The following FRMD4A variants were observed in gnomAD, a reference collection of about 807,000 sequenced individuals.
FRMD4A encodes the protein FERM domain containing 4A, also known as FERM domain-containing protein 4A.
FRMD4A carries 29 observed loss-of-function variants against 129.1 expected under a neutral mutation model. The ratio of observed to expected loss-of-function variants is 0.22; its 90% CI spans 0.17 to 0.31. FRMD4A has a LOEUF of 0.31. Ranked by LOEUF, FRMD4A falls within the 10% of genes least tolerant of loss-of-function variation. The pLI is 1.00. For synonymous variants in FRMD4A, 634 were observed against 571.6 expected (o/e 1.11, Z -1.56); for missense variants, 1,272 against 1,375.8 (o/e 0.92, Z 1.19).
chr10:13,914,468 G>A (rs962314677), intron 2 of FRMD4A, among the ~76,000 whole-genome samples: 22 of 152,176 alleles, frequency 1.4e-4, no homozygotes, highest in African/African-American at 4.3e-4. Context: ...AATAACAGCC[G>A]AATTCTAATA....
intron 2 of FRMD4A, among the ~76,000 whole-genome samples, chr10:13,921,502 C>T (rs559367394): frequency 3.0e-4 from 45 of 152,270 alleles, no homozygotes; most frequent in African/African-American, 1.0e-3. Context: ...CTAAAGTGAT[C>T]CACCTGCCTT....
chr10:13,850,273 A>G (rs1274071297), intron 3 of FRMD4A, among the ~76,000 whole-genome samples: 3 of 152,226 alleles, frequency 2.0e-5, no homozygotes, highest in Non-Finnish European at 4.4e-5. Context: ...CTAGATTTTT[A>G]AAAAGTCATA....
chr10:14,240,558 T>C (rs563312111), intron 2 of FRMD4A, among the ~76,000 whole-genome samples: 1 of 151,978 alleles, frequency 6.6e-6, no homozygotes, highest in South Asian at 2.1e-4. Flanking sequence ...CTGATGGAGG[T>C]TCAAGTCTAT....
intron 2 of FRMD4A, among the ~76,000 whole-genome samples, chr10:14,091,972 T>C (rs11599748): frequency 0.066 from 10,005 of 152,256 alleles, 355 homozygotes; most frequent in African/African-American, 0.083. Flanking sequence ...CCACTACATA[T>C]AGAAACTTGG....
chr10:13,779,700 G>A (rs1274788180), intron 6 of FRMD4A, among the ~76,000 whole-genome samples: 1 of 151,348 alleles, frequency 6.6e-6, no homozygotes, highest in East Asian at 1.9e-4. Context: ...GAAATCCTAG[G>A]TTTAGTATTA....
At chr10:13,950,725 G>A (rs764701697) in intron 2 of FRMD4A, among the ~76,000 whole-genome samples, 25 of 152,062 alleles carry the variant, frequency 1.6e-4, no homozygotes, top group African/African-American at 3.6e-4. Context: ...TTGCACGCCC[G>A]CTTCCCTTTT....
chr10:14,026,484 G>C (rs995307110), intron 2 of FRMD4A, among the ~76,000 whole-genome samples: 1 of 152,126 alleles, frequency 6.6e-6, no homozygotes, highest in Non-Finnish European at 1.5e-5. Context: ...TTGTTTTCAG[G>C]CCTCTAATGG....
chr10:14,168,773 C>T (rs545513472), intron 2 of FRMD4A, among the ~76,000 whole-genome samples: 62 of 152,274 alleles, frequency 4.1e-4, no homozygotes, highest in African/African-American at 1.3e-3. Context: ...CCTATTACTG[C>T]ATACATGTTA....
chr10:14,319,980 C>G (rs11259008), intron 2 of FRMD4A, among the ~76,000 whole-genome samples: 1 of 152,182 alleles, frequency 6.6e-6, no homozygotes, highest in Non-Finnish European at 1.5e-5. Context: ...CCTCCCTGTG[C>G]GTGTCCCCTG....
chr10:14,310,682 C>G (rs940392705), intron 2 of FRMD4A, among the ~76,000 whole-genome samples: 1 of 152,170 alleles, frequency 6.6e-6, no homozygotes, highest in Non-Finnish European at 1.5e-5. Context: ...GAAATTCGAG[C>G]GCTATGCAAA....
intron 2 of FRMD4A, among the ~76,000 whole-genome samples, chr10:13,940,838 C>G (rs549684519): frequency 1.3e-5 from 2 of 152,184 alleles, no homozygotes; most frequent in Admixed American, 6.5e-5. Context: ...AATGTCTTTA[C>G]GATTTCCTAG....
At chr10:14,217,417 T>C (rs143560750) in intron 2 of FRMD4A, among the ~76,000 whole-genome samples, 233 of 152,264 alleles carry the variant, frequency 1.5e-3, no homozygotes, top group African/African-American at 5.5e-3. Context: ...TGATGGGAGA[T>C]GTGATGGTTT....
intron 2 of FRMD4A, among the ~76,000 whole-genome samples, chr10:13,920,217 C>G (rs1044164054): frequency 1.3e-5 from 2 of 152,166 alleles, no homozygotes; most frequent in African/African-American, 4.8e-5. Flanking sequence ...ACAAAAAGAT[C>G]CAGCATTTAA....
chr10:14,139,596 C>G (rs1188132205), intron 2 of FRMD4A, among the ~76,000 whole-genome samples: 1 of 151,860 alleles, frequency 6.6e-6, no homozygotes, highest in Non-Finnish European at 1.5e-5. Flanking sequence ...ACCACAAGTG[C>G]ATACCACCAC....
intron 4 of FRMD4A, among the ~76,000 whole-genome samples, chr10:13,802,657 A>G (rs1407998940): frequency 6.6e-6 from 1 of 151,870 alleles, no homozygotes; most frequent in African/African-American, 2.4e-5. Flanking sequence ...TTTTTTTGGT[A>G]GAGACAGTGT....
chr10:13,796,233 C>T lies in FRMD4A; in HGVS notation c.299+263G>A, dbSNP rs138761664. Among the ~76,000 whole-genome samples the T allele has an allele frequency of 5.2e-3, 795 of 152,304 alleles. 4 individuals carry two copies. Among genetic ancestry groups the T allele is most frequent in the African/African-American group, 0.018 (761 of 41,546 alleles). ...AGATATGTGACCCTCCCCAAAAGTG[C>T]AGAAAAAAGTTTTTCTCATCATTCC... On this transcript the variant is annotated intron_variant, in intron 5 of 24. Transcript: ENST00000357447.
intron 2 of FRMD4A, among the ~76,000 whole-genome samples, chr10:14,213,766 T>A (rs1419640337): frequency 1.3e-5 from 2 of 152,170 alleles, no homozygotes; most frequent in Non-Finnish European, 2.9e-5. Flanking sequence ...GAATTGTAGC[T>A]CCCATAATCC....
chr10:13,657,592 G>C (rs2134655026), intron 21 of FRMD4A, 70 bp from the exon 22 acceptor site: 10 of 1,458,034 alleles, frequency 6.9e-6, no homozygotes, highest in East Asian at 2.5e-5. Context: ...CCGGGGAGGA[G>C]GGGGTCCTGA....
At chr10:13,991,388 C>T (rs543651028) in intron 2 of FRMD4A, among the ~76,000 whole-genome samples, 7 of 152,292 alleles carry the variant, frequency 4.6e-5, no homozygotes, top group East Asian at 3.9e-4. Context: ...GCATCAGGCG[C>T]GGAGATTCAG....
Sources: allele counts gnomAD v4.1 joint callset (sites outside exome capture counted in the v4.1 genomes callset), GRCh38; gene constraint gnomAD v4.1.1; transcripts MANE v1.5; gene names NCBI Gene and HGNC (gene_info 2026-07-23, HGNC 2026-07-21).